Variants in RASAL2 observed in about 807,000 individuals in gnomAD.
The protein encoded by RASAL2 is RAS protein activator like 2.
RASAL2 carries 58 observed loss-of-function variants against 128.9 expected under a neutral mutation model. The ratio of observed to expected loss-of-function variants is 0.45; its 90% CI spans 0.36 to 0.56. The LOEUF is 0.56. Ranked by LOEUF, RASAL2 falls within the 20% of genes least tolerant of loss-of-function variation. RASAL2 has a pLI of 0.00. For missense variants in RASAL2, 1,360 were observed against 1,601.6 expected (o/e 0.85, Z 2.57); for synonymous variants, 561 against 580.8 (o/e 0.97, Z 0.49).
Position 178,473,122 on chromosome 1 carries a change from C to T in RASAL2, c.3726C>T (p.Ser1242=), listed in dbSNP as rs561500618. Residue 1242 remains serine (S), a synonymous_variant, in exon 18 of 18, where the codon AGC becomes AGT. Transcript: ENST00000367649. ...SLDSANTRLM[S]ALTQVKERYS... ...ATTCAGCCAACACCAGACTGATGAG[C>T]GCGCTGACCCAAGTGAAGGAGCGGT... is the stretch of plus-strand genomic sequence containing the variant. 18 of 1,614,162 alleles carry T rather than the reference C, an allele frequency of 1.1e-5. No homozygotes were observed. The highest frequency in any genetic ancestry group is 2.7e-5 in the African/African-American group (2 of 75,024).
intron 3 of RASAL2, among the ~76,000 whole-genome samples, chr1:178,340,028 A>T (rs1669784598): frequency 6.6e-6 from 1 of 152,186 alleles, no homozygotes. Context: ...CATGGTGCTC[A>T]TATTGTACAC....
chr1:178,287,163 T>G (rs1194855689), intron 2 of RASAL2, among the ~76,000 whole-genome samples: 1 of 151,676 alleles, frequency 6.6e-6, no homozygotes, highest in African/African-American at 2.4e-5. Flanking sequence ...AAGTGATAGC[T>G]GAAGTGAATC....
chr1:178,322,760 C>T (rs981034840), intron 3 of RASAL2, among the ~76,000 whole-genome samples: 2 of 152,190 alleles, frequency 1.3e-5, no homozygotes, highest in Non-Finnish European at 2.9e-5. Context: ...CTTGTTTAAA[C>T]ACTTTTACTG....
chr1:178,282,672 CATA>C (rs1160719324), intron 1 of RASAL2, among the ~76,000 whole-genome samples: 1 of 152,074 alleles, frequency 6.6e-6, no homozygotes, highest in Non-Finnish European at 1.5e-5. Context: ...TTTACTTTAG[CATA>C]ATAACTAAGT....
intron 3 of RASAL2, among the ~76,000 whole-genome samples, chr1:178,368,409 A>G (rs1048105372): frequency 6.6e-6 from 1 of 152,200 alleles, no homozygotes; most frequent in Admixed American, 6.5e-5. Flanking sequence ...GCATATGTGT[A>G]TATGCATATA....
intron 9 of RASAL2, among the ~76,000 whole-genome samples, chr1:178,448,158 G>A (rs1041674044): frequency 1.3e-5 from 2 of 152,048 alleles, no homozygotes; most frequent in African/African-American, 4.8e-5. Flanking sequence ...ATAGAATGAA[G>A]AAGAGGAATC....
At chr1:178,278,524 T>C (rs1050989484) in intron 1 of RASAL2, among the ~76,000 whole-genome samples, 2 of 152,166 alleles carry the variant, frequency 1.3e-5, no homozygotes, top group Non-Finnish European at 2.9e-5. Context: ...ATTTAACATA[T>C]CATGTCAGAA....
At chr1:178,135,507 A>G (rs1660290053) in intron 1 of RASAL2, among the ~76,000 whole-genome samples, 1 of 151,324 alleles carries the variant, frequency 6.6e-6, no homozygotes, top group Non-Finnish European at 1.5e-5. Flanking sequence ...AAAAAAAAAA[A>G]AAAAAAAAAG....
chr1:178,255,075 C>G (rs188417914), intron 1 of RASAL2, among the ~76,000 whole-genome samples: 2 of 152,172 alleles, frequency 1.3e-5, no homozygotes, highest in African/African-American at 4.8e-5. Flanking sequence ...AACCAAACAT[C>G]TTATGTCTAA....
intron 1 of RASAL2, among the ~76,000 whole-genome samples, chr1:178,167,651 G>A (rs1661562132): frequency 1.3e-5 from 2 of 151,952 alleles, no homozygotes; most frequent in Admixed American, 1.3e-4. Flanking sequence ...TAACATAAAC[G>A]ATTGATTAAT....
intron 1 of RASAL2, among the ~76,000 whole-genome samples, chr1:178,106,276 T>G (rs1028805153): frequency 2.6e-5 from 4 of 152,220 alleles, no homozygotes; most frequent in Non-Finnish European, 5.9e-5. Flanking sequence ...CTGGCTATAA[T>G]CTATATTTGC....
chr1:178,118,052 T>C (rs1480959551), intron 1 of RASAL2, among the ~76,000 whole-genome samples: 1 of 151,648 alleles, frequency 6.6e-6, no homozygotes, highest in Non-Finnish European at 1.5e-5. Context: ...TAATCCCAGC[T>C]ACTTAGGAGG....
chr1:178,469,632 A>T (rs1223763375), intron 17 of RASAL2, among the ~76,000 whole-genome samples: 1 of 152,158 alleles, frequency 6.6e-6, no homozygotes, highest in Non-Finnish European at 1.5e-5. Flanking sequence ...CTGCTAAGCT[A>T]GTTAATGTTT....
chr1:178,383,808 G>T (rs1571971330), intron 3 of RASAL2, among the ~76,000 whole-genome samples: 2 of 152,222 alleles, frequency 1.3e-5, no homozygotes, highest in Admixed American at 1.3e-4. Context: ...TTAATAACTA[G>T]AGCCACCAAC....
chr1:178,421,063 G>A (rs1233105140), intron 5 of RASAL2, among the ~76,000 whole-genome samples: 1 of 152,088 alleles, frequency 6.6e-6, no homozygotes, highest in Admixed American at 6.6e-5. Flanking sequence ...TTATAGATGA[G>A]GAATCTGAAG....
chr1:178,245,666 G>A (rs1167694459), intron 1 of RASAL2, among the ~76,000 whole-genome samples: 1 of 152,108 alleles, frequency 6.6e-6, no homozygotes, highest in East Asian at 1.9e-4. Flanking sequence ...GAATGATATT[G>A]CCTAGGTTTT....
intron 3 of RASAL2, among the ~76,000 whole-genome samples, chr1:178,305,687 T>G (rs1234497752): frequency 6.6e-6 from 1 of 152,150 alleles, no homozygotes; most frequent in Non-Finnish European, 1.5e-5. Flanking sequence ...GAGGGTATTA[T>G]TAGACCCCCA....
At chr1:178,262,029 G>A (rs992398874) in intron 1 of RASAL2, among the ~76,000 whole-genome samples, 2 of 151,964 alleles carry the variant, frequency 1.3e-5, no homozygotes, top group African/African-American at 4.8e-5. Context: ...TTAGGGGCCT[G>A]CTAGGGCTAT....
At chr1:178,423,759 G>A (rs1675315891) in intron 5 of RASAL2, among the ~76,000 whole-genome samples, 1 of 152,106 alleles carries the variant, frequency 6.6e-6, no homozygotes, top group Admixed American at 6.6e-5. Context: ...CTAATGCTTA[G>A]TATACTGAAT....
Sources: allele counts gnomAD v4.1 joint callset (sites outside exome capture counted in the v4.1 genomes callset), GRCh38; gene constraint gnomAD v4.1.1; transcripts MANE v1.5; gene names NCBI Gene and HGNC (gene_info 2026-07-23, HGNC 2026-07-21).